Variants in SPMIP2 observed in about 807,000 individuals in gnomAD.
SPMIP2 encodes the protein protein SPMIP2.
At chr4:159,012,788 G>A in the SPMIP2 span, among the ~76,000 whole-genome samples, 2,257 of 152,072 alleles carry the variant, frequency 0.015, 28 homozygotes, top group Non-Finnish European at 0.021. Flanking sequence ...CCTCAGGGTG[G>A]TCTCGAACTC....
chr4:158,902,850 C>G, the SPMIP2 span, among the ~76,000 whole-genome samples: 1 of 152,162 alleles, frequency 6.6e-6, no homozygotes, highest in South Asian at 2.1e-4. Flanking sequence ...CAACCTCAAA[C>G]GTCCCAGGTC....
chr4:159,030,140 C>T, the SPMIP2 span, among the ~76,000 whole-genome samples: 7 of 152,182 alleles, frequency 4.6e-5, no homozygotes, highest in South Asian at 8.3e-4. Flanking sequence ...TGGCTGGGTG[C>T]GGTGGCTCAT....
At chr4:159,050,087 T>A in the SPMIP2 span, among the ~76,000 whole-genome samples, 1 of 152,262 alleles carries the variant, frequency 6.6e-6, no homozygotes. Flanking sequence ...GCTGCTCTTT[T>A]TGACCCTGCA....
chr4:158,900,285 T>C, the SPMIP2 span, among the ~76,000 whole-genome samples: 4 of 152,166 alleles, frequency 2.6e-5, no homozygotes, highest in African/African-American at 9.7e-5. Context: ...TTAGAATAAG[T>C]GTGATGAGGT....
chr4:158,898,388 G>T, the SPMIP2 span, among the ~76,000 whole-genome samples: 1 of 152,130 alleles, frequency 6.6e-6, no homozygotes, highest in Admixed American at 6.5e-5. Flanking sequence ...ATCCATGGGA[G>T]CTTGATGGGG....
At chr4:158,993,217 T>C in the SPMIP2 span, among the ~76,000 whole-genome samples, 11 of 152,028 alleles carry the variant, frequency 7.2e-5, no homozygotes, top group East Asian at 2.1e-3. Flanking sequence ...ATTTTTTTAA[T>C]TAGCCAGCCG....
the SPMIP2 span, among the ~76,000 whole-genome samples, chr4:159,001,122 G>A: frequency 2.0e-5 from 3 of 152,196 alleles, no homozygotes; most frequent in African/African-American, 7.2e-5. Context: ...CCCACTAGCA[G>A]TATATGAGAG....
At chr4:159,032,576 G>A in the SPMIP2 span, among the ~76,000 whole-genome samples, 2 of 152,150 alleles carry the variant, frequency 1.3e-5, no homozygotes, top group African/African-American at 4.8e-5. Flanking sequence ...GAAATTTTAA[G>A]TGTTAATTAA....
At chr4:158,933,453 C>T in the SPMIP2 span, among the ~76,000 whole-genome samples, 1 of 152,098 alleles carries the variant, frequency 6.6e-6, no homozygotes, top group Non-Finnish European at 1.5e-5. Flanking sequence ...GAAAAATTGC[C>T]TTTTCCTTTT....
At chr4:158,986,603 T>G in the SPMIP2 span, among the ~76,000 whole-genome samples, 1 of 152,102 alleles carries the variant, frequency 6.6e-6, no homozygotes, top group Admixed American at 6.6e-5. Context: ...ACTGGATCCC[T>G]TCCTTACACC....
the SPMIP2 span, among the ~76,000 whole-genome samples, chr4:159,076,343 A>G: frequency 6.6e-6 from 1 of 152,220 alleles, no homozygotes; most frequent in Admixed American, 6.5e-5. Flanking sequence ...TACAGCATAC[A>G]GCAAGCTATA....
At chr4:159,081,148 C>T in the SPMIP2 span, among the ~76,000 whole-genome samples, 1 of 151,648 alleles carries the variant, frequency 6.6e-6, no homozygotes, top group Admixed American at 6.6e-5. Context: ...AGTGATTCTC[C>T]TGTCTCAGCC....
the SPMIP2 span, among the ~76,000 whole-genome samples, chr4:158,993,526 C>A: frequency 6.6e-6 from 1 of 151,968 alleles, no homozygotes; most frequent in Non-Finnish European, 1.5e-5. Flanking sequence ...GGATTCTCTG[C>A]AGTTTCATTG....
At chr4:158,969,827 G>A in the SPMIP2 span, among the ~76,000 whole-genome samples, 5 of 152,192 alleles carry the variant, frequency 3.3e-5, no homozygotes, top group Non-Finnish European at 7.3e-5. Flanking sequence ...GGAGATGAAA[G>A]TTTTGCTTAA....
At chr4:159,051,493 G>C in the SPMIP2 span, among the ~76,000 whole-genome samples, 1 of 152,128 alleles carries the variant, frequency 6.6e-6, no homozygotes, top group African/African-American at 2.4e-5. Context: ...AATTACTAAA[G>C]CGTCACATTC....
At chr4:158,903,804 C>T in the SPMIP2 span, among the ~76,000 whole-genome samples, 19 of 152,136 alleles carry the variant, frequency 1.2e-4, no homozygotes, top group African/African-American at 4.3e-4. Flanking sequence ...TGAAACAGTT[C>T]AATTTTTTTT....
chr4:158,935,711 C>T, the SPMIP2 span, among the ~76,000 whole-genome samples: 1 of 152,202 alleles, frequency 6.6e-6, no homozygotes, highest in African/African-American at 2.4e-5. Flanking sequence ...CCAAGATTCT[C>T]CTAGCGGCCT....
chr4:158,985,725 A>G, the SPMIP2 span, among the ~76,000 whole-genome samples: 1 of 150,566 alleles, frequency 6.6e-6, no homozygotes, highest in African/African-American at 2.5e-5. Flanking sequence ...AACTGGCACA[A>G]GACAGGGATG....
the SPMIP2 span, among the ~76,000 whole-genome samples, chr4:158,903,842 C>T: frequency 2.0e-5 from 3 of 152,092 alleles, no homozygotes; most frequent in Non-Finnish European, 4.4e-5. Flanking sequence ...TCATTTTTAG[C>T]CAGTGCCCAT....
Sources: allele counts gnomAD v4.1 joint callset (sites outside exome capture counted in the v4.1 genomes callset), GRCh38; gene constraint gnomAD v4.1.1; transcripts MANE v1.5; gene names NCBI Gene and HGNC (gene_info 2026-07-23, HGNC 2026-07-21).